CNOT1: variants seen among roughly 807,000 people sequenced by gnomAD.
The protein encoded by CNOT1 is CCR4-associated factor 1.
Under a neutral mutation model 273.8 loss-of-function variants are expected in CNOT1, and 15 were observed. The ratio of observed to expected loss-of-function variants is 0.05; its 90% CI spans 0.04 to 0.08. The LOEUF is 0.08. CNOT1 is among the 10% of genes least tolerant of loss of function. The probability of loss-of-function intolerance (pLI) is 1.00; values close to 1 mark genes in which losing one functional copy is unlikely to be tolerated. For synonymous variants in CNOT1, 1,022 were observed against 1,005.5 expected (o/e 1.02, Z -0.31); for missense variants, 1,644 against 2,912.2 (o/e 0.56, Z 10.02).
At chr16:58,565,463 T>TA (rs1314725805) in intron 16 of CNOT1, among the ~76,000 whole-genome samples, 1 of 152,178 alleles carries the variant, frequency 6.6e-6, no homozygotes, top group Non-Finnish European at 1.5e-5. Flanking sequence ...CATAGCCATG[T>TA]AAAATCAAAC....
chr16:58,573,801 T>C (rs776545747), intron 16 of CNOT1, among the ~76,000 whole-genome samples: 3 of 151,160 alleles, frequency 2.0e-5, no homozygotes, highest in Non-Finnish European at 4.4e-5. Flanking sequence ...GATCTTAAAC[T>C]TTTTAGGAAA....
chr16:58,604,639 A>AC (rs1170862613), intron 1 of CNOT1, among the ~76,000 whole-genome samples: 2 of 147,156 alleles, frequency 1.4e-5, no homozygotes, highest in Admixed American at 6.7e-5. Flanking sequence ...AAAAAAAAAA[A>AC]ATACAAAATT....
chr16:58,590,416 G>T (rs927724218), intron 2 of CNOT1, among the ~76,000 whole-genome samples: 3 of 152,122 alleles, frequency 2.0e-5, no homozygotes, highest in East Asian at 1.9e-4. Context: ...AAATATGGAA[G>T]TTAAGAAAGA....
intron 38 of CNOT1, 82 bp downstream of exon 38, chr16:58,537,809 T>C (rs1195916881): frequency 1.9e-6 from 3 of 1,550,192 alleles, no homozygotes; most frequent in Non-Finnish European, 2.6e-6. Context: ...TAACAAGTAA[T>C]GTTAGTAAGT....
At chr16:58,574,572 AT>A (rs1430754698) in intron 16 of CNOT1, 36 bp downstream of exon 16, 2 of 1,533,578 alleles carry the variant, frequency 1.3e-6, no homozygotes, top group Non-Finnish European at 1.7e-6. Flanking sequence ...ATATAATCCA[AT>A]TCAAAAAAAG....
intron 1 of CNOT1, among the ~76,000 whole-genome samples, chr16:58,618,920 TG>T (rs1371908807): frequency 6.6e-6 from 1 of 152,120 alleles, no homozygotes; most frequent in Non-Finnish European, 1.5e-5. Context: ...ACGCCAGGCA[TG>T]GTGGCTCCCG....
In CNOT1 at chr16:58,595,420, C is replaced by CAA. The variant is rs57122392; in HGVS notation, c.102+3814_102+3815dup. ...TATGATCAAAACTATTTTTCCATCT[C>CAA]AAAAAAAAAAAAAAAAAAAAACTCC... On this transcript the variant is annotated intron_variant, in intron 2 of 48. Coordinates refer to ENST00000317147, the MANE Select transcript of CNOT1 (RefSeq NM_016284.5). Among the ~76,000 whole-genome samples, 11 of 102,898 alleles carry CAA rather than the reference C, an allele frequency of 1.1e-4. No homozygotes were observed. The East Asian group carries it at 1.6e-3, about 15-fold the overall frequency. 67.5% of individuals were successfully genotyped at this position (102,898 alleles called of 152,430 possible). A position where few individuals can be genotyped will look rare whatever the true frequency, so the allele number is the denominator to read the frequency against.
At chr16:58,602,727 T>C (rs2042519513) in intron 1 of CNOT1, among the ~76,000 whole-genome samples, 1 of 151,194 alleles carries the variant, frequency 6.6e-6, no homozygotes, top group Non-Finnish European at 1.5e-5. Context: ...TGAGACTCTG[T>C]CTCAAAAAAA....
At chr16:58,533,200 T>C (rs1413162739) in intron 40 of CNOT1, 1 of 152,278 alleles carries the variant, frequency 6.6e-6, no homozygotes, top group Non-Finnish European at 1.5e-5. Flanking sequence ...AAAAGAGACA[T>C]TAACAAAATG....
chr16:58,625,876 A>C (rs2043556498), intron 1 of CNOT1, among the ~76,000 whole-genome samples: 1 of 150,768 alleles, frequency 6.6e-6, no homozygotes, highest in Non-Finnish European at 1.5e-5. Flanking sequence ...AAAAAAAAAA[A>C]ACTATTGTAT....
intron 1 of CNOT1, among the ~76,000 whole-genome samples, chr16:58,617,059 G>T (rs1394122624): frequency 1.3e-5 from 2 of 152,174 alleles, no homozygotes; most frequent in Non-Finnish European, 2.9e-5. Flanking sequence ...AATTAAGGAT[G>T]AAATTAAACA....
chr16:58,583,500 A>C (rs1276162930), intron 8 of CNOT1, among the ~76,000 whole-genome samples: 8 of 152,138 alleles, frequency 5.3e-5, no homozygotes, highest in Admixed American at 5.2e-4. Context: ...GGGCTCCCAA[A>C]CCCCCTGCCA....
At chr16:58,606,351 T>G (rs2042674066) in intron 1 of CNOT1, among the ~76,000 whole-genome samples, 1 of 151,840 alleles carries the variant, frequency 6.6e-6, no homozygotes, top group Non-Finnish European at 1.5e-5. Flanking sequence ...GCCCAGGAGT[T>G]TGAGGCCAGC....
chr16:58,575,075 C>T lies in CNOT1; in HGVS notation c.1759G>A (p.Ala587Thr). The change falls in exon 15 of 49, where the codon GCA becomes ACA. Residue 587 changes from alanine (A) to threonine (T), a missense_variant. Around this residue, in one of 13 missense-constraint regions of CNOT1, gnomAD observed 706 missense variants for 1,021.2 expected, o/e 0.69. Coordinates refer to ENST00000317147, the MANE Select transcript of CNOT1 (RefSeq NM_016284.5). ...TPFAFVIDLA[A>T]LASRREYLKL... is the part of the protein sequence containing the mutation. ...AGGTATTCACGACGTGAAGCAAGTG[C>T]AGCAAGGTCAATAACAAAGGCAAAT... 1 of 1,614,088 alleles carries T rather than the reference C, an allele frequency of 6.2e-7. No homozygotes were observed. Among genetic ancestry groups the T allele is most frequent in the Non-Finnish European group, 8.5e-7 (1 of 1,180,006 alleles).
chr16:58,572,390 T>C (rs2041304814), intron 16 of CNOT1, among the ~76,000 whole-genome samples: 1 of 152,046 alleles, frequency 6.6e-6, no homozygotes, highest in South Asian at 2.1e-4. Context: ...ATCGCAGCAC[T>C]TCTGGAGGCC....
intron 16 of CNOT1, among the ~76,000 whole-genome samples, chr16:58,565,875 G>T (rs1203977163): frequency 6.6e-6 from 1 of 151,928 alleles, no homozygotes; most frequent in Non-Finnish European, 1.5e-5. Context: ...AGGAAGCAGG[G>T]GTTGTAGTGA....
intron 1 of CNOT1, among the ~76,000 whole-genome samples, chr16:58,617,172 G>C (rs1390975153): frequency 1.3e-5 from 2 of 152,072 alleles, no homozygotes; most frequent in East Asian, 1.9e-4. Flanking sequence ...CCCATCTGGG[G>C]AACAGTGAGA....
At position 58,578,915 on chromosome 16, in the gene CNOT1, A is replaced by G. The variant is rs2041558189; in HGVS notation, c.1368T>C (p.Ser456=). Residue 456 remains serine, a synonymous_variant, in exon 13 of 49, where the codon TCT becomes TCC. Coordinates refer to ENST00000317147, the MANE Select transcript of CNOT1 (RefSeq NM_016284.5). ...ATWKSLDLIE[S]LLRLAEVGQY... The stretch of plus-strand genomic sequence containing the variant: ...GCCCAACCTCTGCAAGCCTCAGCAG[A>G]GATTCAATCAAATCCAAGCTCTTCC... The G allele has an allele frequency of 6.2e-7, 1 of 1,613,988 alleles. No homozygotes were observed. The highest frequency in any genetic ancestry group is 1.3e-5 in the African/African-American group (1 of 74,960).
At chr16:58,603,273 C>G (rs1264733595) in intron 1 of CNOT1, among the ~76,000 whole-genome samples, 2 of 152,112 alleles carry the variant, frequency 1.3e-5, no homozygotes, top group African/African-American at 4.8e-5. Flanking sequence ...CTCACACTTG[C>G]AGTCCCAGCT....
Sources: gnomAD v4.1 joint callset for allele counts (sites outside exome capture counted in the v4.1 genomes callset) on GRCh38, gnomAD v4.1.1 for gene constraint, gnomAD v4.1.1 regional missense constraint, MANE v1.5 for transcripts, NCBI Gene and HGNC (gene_info 2026-07-23, HGNC 2026-07-21) for gene names.